CAPN2: variants seen among roughly 807,000 people sequenced by gnomAD.
CAPN2 encodes the protein calpain 2, also known as calpain-2 catalytic subunit.
CAPN2 carries 92 observed loss-of-function variants against 102.3 expected under a neutral mutation model. The observed-to-expected ratio is 0.90, with a 90% CI of 0.76 to 1.07. CAPN2 has a LOEUF of 1.07. Among genes scored for constraint, CAPN2 ranks in the 50% least tolerant of loss-of-function variants. The pLI, the probability that CAPN2 is intolerant of heterozygous loss-of-function variation, is 0.00. For synonymous variants in CAPN2, 340 were observed against 355.4 expected (o/e 0.96, Z 0.49); for missense variants, 800 against 909.4 (o/e 0.88, Z 1.55).
intron 2 of CAPN2, among the ~76,000 whole-genome samples, chr1:223,730,338 GAT>G (rs1491475115): frequency 1.2e-3 from 171 of 141,740 alleles, no homozygotes; most frequent in Non-Finnish European, 1.2e-3. Flanking sequence ...AATATTATGA[GAT>G]TTTTTTTTTT....
intron 1 of CAPN2, among the ~76,000 whole-genome samples, chr1:223,706,141 A>G (rs1659600484): frequency 6.6e-6 from 1 of 152,220 alleles, no homozygotes; most frequent in Non-Finnish European, 1.5e-5. Context: ...GACTGGGGAA[A>G]GAGAAGGGGC....
upstream of CAPN2, among the ~76,000 whole-genome samples, chr1:223,707,582 A>T (rs1396070032): frequency 6.6e-6 from 1 of 152,210 alleles, no homozygotes; most frequent in East Asian, 1.9e-4. Flanking sequence ...ATGGTTGGGG[A>T]AAGTAGTCAT....
intron 18 of CAPN2, chr1:223,771,514 C>A: frequency 3.2e-6 from 1 of 314,440 alleles, no homozygotes; most frequent in Non-Finnish European, 5.8e-6. Context: ...AATCAAACAG[C>A]AGCAGCATGG....
intron 7 of CAPN2, among the ~76,000 whole-genome samples, chr1:223,751,231 G>T (rs911165471): frequency 6.6e-6 from 1 of 152,074 alleles, no homozygotes; most frequent in African/African-American, 2.4e-5. Flanking sequence ...CTGCCTCCAG[G>T]TTCACCCCTT....
chr1:223,739,314 G>A (rs1018518013), intron 2 of CAPN2, among the ~76,000 whole-genome samples: 9 of 151,626 alleles, frequency 5.9e-5, no homozygotes, highest in African/African-American at 2.2e-4. Flanking sequence ...CTCTCCAGTA[G>A]CTGGGACTAC....
chr1:223,712,346 G>GGCCGC (rs1427154245), upstream of CAPN2: 4 of 710,738 alleles, frequency 5.6e-6, no homozygotes, highest in Non-Finnish European at 7.0e-6. Flanking sequence ...CCCGGCGCCG[G>GGCCGC]GCCGCGCCAT....
intron 1 of CAPN2, among the ~76,000 whole-genome samples, chr1:223,713,508 G>A (rs28370010): frequency 0.014 from 2,075 of 147,674 alleles, 24 homozygotes; most frequent in Non-Finnish European, 0.021. Context: ...GGAAACCTCC[G>A]GGAGCCCTCC....
chr1:223,710,361 A>G (rs1659702772), upstream of CAPN2, among the ~76,000 whole-genome samples: 1 of 152,152 alleles, frequency 6.6e-6, no homozygotes. Flanking sequence ...GATGCTCTAA[A>G]CCAGGGTTTC....
rs762677941 is a variant in CAPN2, at chr1:223,774,868, A to T, written c.*11A>T. The T allele has an allele frequency of 7.4e-6, 12 of 1,611,800 alleles. No homozygotes were observed. The highest frequency in any genetic ancestry group is 1.7e-4 in the Middle Eastern group (1 of 6,056). ...TTCTCAGTACTTTGAAGTTATAACT[A>T]ATCTGCCTGAAGACTTCTCATGATG... is the stretch of plus-strand genomic sequence containing the variant. On this transcript the variant is annotated 3_prime_UTR_variant, in exon 21 of 21. Coordinates refer to ENST00000295006, the MANE Select transcript of CAPN2 (RefSeq NM_001748.5).
intron 1 of CAPN2, among the ~76,000 whole-genome samples, chr1:223,716,946 A>G (rs762141607): frequency 3.9e-5 from 6 of 152,148 alleles, no homozygotes; most frequent in African/African-American, 7.2e-5. Flanking sequence ...AGTAAGTTCC[A>G]ATGCCAGTGC....
intron 14 of CAPN2, among the ~76,000 whole-genome samples, chr1:223,763,591 G>A (rs1190590683): frequency 6.6e-6 from 1 of 152,190 alleles, no homozygotes; most frequent in Non-Finnish European, 1.5e-5. Flanking sequence ...GAGACAGCTG[G>A]TTTTCACCAG....
At chr1:223,717,433 T>C (rs960174675) in intron 1 of CAPN2, among the ~76,000 whole-genome samples, 1 of 152,080 alleles carries the variant, frequency 6.6e-6, no homozygotes, top group Non-Finnish European at 1.5e-5. Context: ...CTCTAGAGTG[T>C]GGATGGTCTC....
chr1:223,708,310 A>G (rs1659656013), upstream of CAPN2, among the ~76,000 whole-genome samples: 1 of 152,202 alleles, frequency 6.6e-6, no homozygotes, highest in Non-Finnish European at 1.5e-5. Context: ...AAATAAAAAC[A>G]AAACCATGGG....
intron 19 of CAPN2, 70 bp downstream of exon 19, chr1:223,771,995 G>T: frequency 1.6e-6 from 2 of 1,212,518 alleles, no homozygotes; most frequent in South Asian, 2.4e-5. Flanking sequence ...TTTCACCTCG[G>T]TGAAATCATC....
Position 223,752,050 on chromosome 1 carries a change from G to A in CAPN2, c.953G>A (p.Arg318Gln), listed in dbSNP as rs764993899. 3.2e-5 allele frequency: 52 copies of A among 1,612,544 alleles called. No homozygotes were observed. The highest frequency in any genetic ancestry group is 4.4e-5 in the South Asian group (4 of 91,042). The part of the protein sequence containing the change: ...DPEERERLTR[R>Q]HEDGEFWMSF... ...GAGGAGAGGGAAAGGCTGACCAGAC[G>A]GCATGAAGATGGAGAATTCTGGTAA... The change falls in exon 8 of 21, where the codon CGG becomes CAG. Residue 318 changes from arginine to glutamine, a missense_variant. Coordinates refer to ENST00000295006, the MANE Select transcript of CAPN2 (RefSeq NM_001748.5).
At chr1:223,745,475 C>T in intron 4 of CAPN2, 36 bp downstream of exon 4, 2 of 1,612,332 alleles carry the variant, frequency 1.2e-6, no homozygotes, top group Non-Finnish European at 1.7e-6. Context: ...CATGGCCTTC[C>T]CCCAATGCCC....
intron 2 of CAPN2, among the ~76,000 whole-genome samples, chr1:223,719,530 C>A (rs1659991734): frequency 6.6e-6 from 1 of 151,968 alleles, no homozygotes; most frequent in Non-Finnish European, 1.5e-5. Flanking sequence ...CAGAGAGAGA[C>A]CCCATCTCAA....
chr1:223,753,873 A>T (rs1484029233), intron 9 of CAPN2, among the ~76,000 whole-genome samples: 1 of 152,250 alleles, frequency 6.6e-6, no homozygotes, highest in African/African-American at 2.4e-5. Flanking sequence ...TCCCTAAGAT[A>T]TGTTATGTAT....
chr1:223,773,432 A>G (rs982775499), intron 20 of CAPN2, among the ~76,000 whole-genome samples: 1 of 151,930 alleles, frequency 6.6e-6, no homozygotes, highest in African/African-American at 2.4e-5. Context: ...GGTGGCTCAC[A>G]TCTATAATCC....
Sources: gnomAD v4.1 joint callset for allele counts (sites outside exome capture counted in the v4.1 genomes callset) on GRCh38, gnomAD v4.1.1 for gene constraint, MANE v1.5 for transcripts, NCBI Gene and HGNC (gene_info 2026-07-23, HGNC 2026-07-21) for gene names.